The following XIRP2 variants were observed in gnomAD, a reference collection of about 807,000 sequenced individuals.
XIRP2 encodes the protein xin actin binding repeat containing 2.
Under a neutral mutation model 277.0 loss-of-function variants are expected in XIRP2, and 236 were observed. The ratio of observed to expected loss-of-function variants is 0.85; its 90% confidence interval spans 0.77 to 0.95. XIRP2 has a LOEUF of 0.95. Among genes scored for constraint, XIRP2 ranks in the 40% least tolerant of loss-of-function variants. XIRP2 has a pLI of 0.00. For synonymous variants in XIRP2, 1,490 were observed against 1,416.5 expected (o/e 1.05, Z -1.17); for missense variants, 4,640 against 4,157.5 (o/e 1.12, Z -3.19).
chr2:167,202,606 C>T (rs1031866790), intron 3 of XIRP2, among the ~76,000 whole-genome samples: 19 of 152,128 alleles, frequency 1.2e-4, no homozygotes, highest in East Asian at 3.9e-4. Context: ...TGTGTATTTA[C>T]GTGTCTGTGC....
intron 3 of XIRP2, among the ~76,000 whole-genome samples, chr2:167,182,549 A>G (rs1693046065): frequency 6.6e-6 from 1 of 152,198 alleles, no homozygotes; most frequent in South Asian, 2.1e-4. Context: ...GAACTTTTAG[A>G]TTAAGGTCAG....
chr2:167,031,219 A>C (rs192408164), intron 2 of XIRP2, among the ~76,000 whole-genome samples: 1 of 152,048 alleles, frequency 6.6e-6, no homozygotes, highest in Non-Finnish European at 1.5e-5. Flanking sequence ...TTATGTGTGA[A>C]TTTGATTCTG....
At chr2:167,010,910 A>G (rs1419402013) in intron 2 of XIRP2, among the ~76,000 whole-genome samples, 1 of 152,048 alleles carries the variant, frequency 6.6e-6, no homozygotes, top group Non-Finnish European at 1.5e-5. Context: ...TGATTTTTGT[A>G]CATTGATTTT....
chr2:167,071,775 C>A (rs1043849255), intron 2 of XIRP2, among the ~76,000 whole-genome samples: 9 of 152,166 alleles, frequency 5.9e-5, no homozygotes, highest in African/African-American at 2.2e-4. Flanking sequence ...TGTGCCAGGG[C>A]AGCTCTTGAG....
intron 2 of XIRP2, among the ~76,000 whole-genome samples, chr2:167,110,061 T>C (rs143133510): frequency 0.015 from 2,216 of 152,284 alleles, 58 homozygotes; most frequent in African/African-American, 0.051. Flanking sequence ...TCCTTGTAGA[T>C]TCTGTATATT....
chr2:167,015,401 T>G (rs1476675002), intron 2 of XIRP2, among the ~76,000 whole-genome samples: 1 of 148,776 alleles, frequency 6.7e-6, no homozygotes, highest in Non-Finnish European at 1.5e-5. Flanking sequence ...CCAAACACGA[T>G]GTTGATTATC....
intron 2 of XIRP2, among the ~76,000 whole-genome samples, chr2:167,057,818 C>T (rs187808527): frequency 2.0e-5 from 3 of 152,056 alleles, no homozygotes; most frequent in Admixed American, 1.3e-4. Context: ...ACCTTTATCG[C>T]TTTGCTCAAT....
intron 2 of XIRP2, among the ~76,000 whole-genome samples, chr2:167,112,815 C>A (rs1278614527): frequency 6.6e-6 from 1 of 151,880 alleles, no homozygotes; most frequent in African/African-American, 2.4e-5. Context: ...CCACACCCAG[C>A]TAATTTTTGT....
chr2:166,938,744 G>C (rs1238567778), intron 2 of XIRP2, among the ~76,000 whole-genome samples: 1 of 152,250 alleles, frequency 6.6e-6, no homozygotes, highest in East Asian at 1.9e-4. Flanking sequence ...CTCTTTGTAG[G>C]TCTCTAAGGA....
At chr2:167,109,674 T>C (rs1034050171) in intron 2 of XIRP2, among the ~76,000 whole-genome samples, 3 of 152,200 alleles carry the variant, frequency 2.0e-5, no homozygotes, top group Admixed American at 6.6e-5. Flanking sequence ...TGAACATATA[T>C]ATGCATGTGT....
At chr2:167,176,429 C>T (rs868628498) in intron 3 of XIRP2, among the ~76,000 whole-genome samples, 3 of 152,124 alleles carry the variant, frequency 2.0e-5, no homozygotes, top group African/African-American at 4.8e-5. Flanking sequence ...AGCTGCAGAC[C>T]GGAGCTGTTC....
At chr2:167,137,155 C>T (rs976043413) in intron 3 of XIRP2, among the ~76,000 whole-genome samples, 6 of 152,100 alleles carry the variant, frequency 3.9e-5, no homozygotes, top group Non-Finnish European at 8.8e-5. Flanking sequence ...ATTCTGATTC[C>T]GTTTGGTTTA....
chr2:167,225,480 C>T (rs1319144571), intron 5 of XIRP2, among the ~76,000 whole-genome samples: 6 of 152,102 alleles, frequency 3.9e-5, no homozygotes, highest in African/African-American at 1.2e-4. Flanking sequence ...ATTTCTATAA[C>T]GGTCTTAATA....
chr2:167,043,685 C>A (rs1009812896), intron 2 of XIRP2, among the ~76,000 whole-genome samples: 2 of 151,772 alleles, frequency 1.3e-5, no homozygotes, highest in African/African-American at 4.8e-5. Flanking sequence ...TGTTCTGAAA[C>A]TGAATCGTTA....
chr2:167,214,273 AAGAG>A (rs1352530192), intron 4 of XIRP2, among the ~76,000 whole-genome samples: 3 of 31,092 alleles, frequency 9.6e-5, no homozygotes, highest in African/African-American at 2.1e-4. Flanking sequence ...GAGAGAGAGA[AAGAG>A]AGGGAGGGAG....
chr2:167,170,894 CT>C (rs773187641), intron 3 of XIRP2, among the ~76,000 whole-genome samples: 6,553 of 92,858 alleles, frequency 0.071, 131 homozygotes, highest in African/African-American at 0.18. Context: ...TGCCTTTCTT[CT>C]TTTTTTTTTT....
chr2:167,130,322 A>G (rs1691337661), intron 2 of XIRP2, among the ~76,000 whole-genome samples: 1 of 152,152 alleles, frequency 6.6e-6, no homozygotes, highest in Non-Finnish European at 1.5e-5. Flanking sequence ...ATTAAATTCA[A>G]TGGTTTCCCT....
chr2:166,959,558 A>G (rs1176052885), intron 2 of XIRP2, among the ~76,000 whole-genome samples: 1 of 151,858 alleles, frequency 6.6e-6, no homozygotes, highest in Non-Finnish European at 1.5e-5. Context: ...AGAAAACAGT[A>G]TATAGGCAAC....
chr2:166,940,095 A>G (rs1003294526), intron 2 of XIRP2, among the ~76,000 whole-genome samples: 4 of 152,272 alleles, frequency 2.6e-5, no homozygotes, highest in Non-Finnish European at 4.4e-5. Context: ...AGTCAGACTT[A>G]GATTTTTTCT....
Sources: allele counts gnomAD v4.1 joint callset (sites outside exome capture counted in the v4.1 genomes callset), GRCh38; gene constraint gnomAD v4.1.1; transcripts MANE v1.5; gene names NCBI Gene and HGNC (gene_info 2026-07-23, HGNC 2026-07-21).